Variants in STOML3 observed in about 807,000 individuals in gnomAD.
STOML3 encodes the protein stomatin-like protein 3.
A neutral mutation model predicts 29.5 loss-of-function variants in STOML3; 31 were observed. The ratio of observed to expected loss-of-function variants is 1.05; its 90% confidence interval spans 0.79 to 1.42. The LOEUF (loss-of-function observed/expected upper bound fraction) is 1.42, where lower values mean the gene tolerates loss of function less well. Among genes scored for constraint, STOML3 ranks in the 40% most tolerant of loss-of-function variants. The pLI is 0.00. For synonymous variants in STOML3, 122 were observed against 139.8 expected, an observed-to-expected ratio of 0.87 and a Z score of 0.90; for missense variants, 380 against 363.0, an observed-to-expected ratio of 1.05 and a Z score of -0.38.
chr13:38,973,049 A>T (rs1318772311), intron 3 of STOML3, among the ~76,000 whole-genome samples: 1 of 138,672 alleles, frequency 7.2e-6, no homozygotes, highest in African/African-American at 2.7e-5. Context: ...ACCTGAGGTC[A>T]GGAGTTCAAG....
intron 1 of STOML3, 98 bp from the exon 2 acceptor site, chr13:38,976,895 C>T (rs1881101250): frequency 1.0e-6 from 1 of 969,516 alleles, no homozygotes; most frequent in Non-Finnish European, 1.6e-6. Context: ...GCTGGCCAAG[C>T]CTGATGTGGC....
intron 1 of STOML3, among the ~76,000 whole-genome samples, chr13:38,985,509 A>G (rs1289451917): frequency 6.6e-6 from 1 of 152,120 alleles, no homozygotes; most frequent in Non-Finnish European, 1.5e-5. Context: ...CTTTCTCCCC[A>G]TTCTCCCATG....
rs1251326692 is a variant in STOML3, at chr13:38,988,371, A to G, written c.52+2299T>C. 3.2e-4 allele frequency among the ~76,000 whole-genome samples: 32 copies of G among 98,850 alleles called. 7 individuals carry two copies. The highest frequency in any genetic ancestry group is 1.5e-3 in the African/African-American group (31 of 20,248). The allele number at this position is 98,850 out of a possible 152,430, so 64.8% of individuals were successfully genotyped here. ...TTTTATATCATATATTTTATATAAT[A>G]TATTATATTTTATATCATATATTTT... On this transcript the variant is annotated intron_variant, in intron 1 of 6. Coordinates refer to ENST00000379631, the MANE Select transcript of STOML3 (RefSeq NM_145286.3).
intron 3 of STOML3, among the ~76,000 whole-genome samples, chr13:38,973,985 T>C (rs956101547): frequency 7.2e-5 from 11 of 152,148 alleles, no homozygotes; most frequent in African/African-American, 2.7e-4. Flanking sequence ...CCAGAGTTAA[T>C]AGTTTATCCA....
Position 38,988,316 on chromosome 13 carries a change from T to TGTATG in STOML3, c.52+2353_52+2354insCATAC, listed in dbSNP as rs1566211666. Among the ~76,000 whole-genome samples, 16 of 83,268 alleles carry TGTATG rather than the reference T, an allele frequency of 1.9e-4. 2 individuals carry two copies. The highest frequency in any genetic ancestry group is 9.4e-4 in the African/African-American group (16 of 16,978). 54.6% of individuals were successfully genotyped at this position (83,268 alleles called of 152,430 possible). ...TTTATATCATATATTTTATATATAA[T>TGTATG]ATATTATATTTTATATATAATATAT... On this transcript the variant is annotated intron_variant, in intron 1 of 6. Coordinates refer to ENST00000379631, the MANE Select transcript of STOML3 (RefSeq NM_145286.3).
intron 3 of STOML3, 97 bp from the exon 4 acceptor site, chr13:38,972,691 A>G (rs186067616): frequency 3.3e-4 from 344 of 1,047,984 alleles, no homozygotes; most frequent in Non-Finnish European, 5.0e-5. Context: ...GGGGCGATAC[A>G]TGTTTCTCAG....
At chr13:38,973,765 C>G (rs1880976161) in intron 3 of STOML3, among the ~76,000 whole-genome samples, 1 of 152,136 alleles carries the variant, frequency 6.6e-6, no homozygotes, top group South Asian at 2.1e-4. Flanking sequence ...ATCTGGTATT[C>G]TGTATTTGCT....
chr13:38,968,705 T>C (rs1409797774), intron 5 of STOML3, among the ~76,000 whole-genome samples, 171 bp from the exon 6 acceptor site: 1 of 152,228 alleles, frequency 6.6e-6, no homozygotes, highest in Non-Finnish European at 1.5e-5. Flanking sequence ...ATATTCTTAT[T>C]GATCATTTTT....
rs983917559 is a variant in STOML3 at position 38,976,621 on chromosome 13, T to C, written c.157-9A>G. The C allele has an allele frequency of 1.9e-6, 3 of 1,614,114 alleles. No homozygotes were observed. The Admixed American group carries it at 5.0e-5, about 27-fold the overall frequency. ...TCATACTCCTTAATGATCTAGGAGATTAAGGGCGAACGTTTAGTCCTAATG... is the reference window on the plus strand; with the variant it reads ...TCATACTCCTTAATGATCTAGGAGACTAAGGGCGAACGTTTAGTCCTAATG... On this transcript the variant is annotated splice_polypyrimidine_tract_variant and intron_variant, in intron 2 of 6. Coordinates refer to ENST00000379631, the MANE Select transcript of STOML3 (RefSeq NM_145286.3).
At chr13:38,974,692 C>CTT (rs903268549) in intron 3 of STOML3, among the ~76,000 whole-genome samples, 3 of 152,042 alleles carry the variant, frequency 2.0e-5, no homozygotes, top group African/African-American at 7.3e-5. Flanking sequence ...CCCTCTTGTC[C>CTT]TTATGACATG....
intron 3 of STOML3, among the ~76,000 whole-genome samples, chr13:38,973,096 TAAAAAAAAAAAAAAAAAAAA>T (rs71074495): frequency 3.1e-5 from 1 of 32,554 alleles, no homozygotes; most frequent in Non-Finnish European, 5.2e-5. Flanking sequence ...CCGTCTCTAC[TAAAAAAAAAAAAAAAAAAAA>T]AAAAAAAAAA....
At chr13:38,984,280 C>T (rs1415161543) in intron 1 of STOML3, among the ~76,000 whole-genome samples, 1 of 152,174 alleles carries the variant, frequency 6.6e-6, no homozygotes, top group Admixed American at 6.5e-5. Context: ...CACATCTTGT[C>T]CCTTTGCACA....
Position 38,966,999 on chromosome 13 carries a change from G to A in STOML3, c.702C>T (p.Ala234=), listed in dbSNP as rs1043113622. ...EMNASKSLKS[A]SMVLAESPIA... ...TGGGAGACTCAGCCAGCACCATGGA[G>A]GCTGACTTCAGGGATTTGGAAGCAT... The change falls in exon 7 of 7, where the codon GCC becomes GCT. Residue 234 remains alanine (A), a synonymous_variant. Coordinates refer to ENST00000379631, the MANE Select transcript of STOML3 (RefSeq NM_145286.3). 3 of 1,614,010 alleles carry A rather than the reference G, an allele frequency of 1.9e-6. No individual in the cohort carries two copies. Among genetic ancestry groups the A allele is most frequent in the South Asian group, 1.1e-5 (1 of 91,072 alleles).
At chr13:38,987,910 ATAT>A (rs1193104185) in intron 1 of STOML3, among the ~76,000 whole-genome samples, 1 of 70,880 alleles carries the variant, frequency 1.4e-5, no homozygotes, top group Non-Finnish European at 2.2e-5. Flanking sequence ...TATATATAAT[ATAT>A]TATATTTTAT....
chr13:38,982,684 CT>C (rs1881309257), intron 1 of STOML3, among the ~76,000 whole-genome samples: 1 of 152,166 alleles, frequency 6.6e-6, no homozygotes, highest in African/African-American at 2.4e-5. Flanking sequence ...TCACAAAAAC[CT>C]GCCTTCGCTT....
At position 38,969,121 on chromosome 13, in the gene STOML3, G is replaced by A. The variant is rs151046684; in HGVS notation, c.517-587C>T. 3.5e-4 allele frequency among the ~76,000 whole-genome samples: 53 copies of A among 152,226 alleles called. No individual in the cohort carries two copies. In the East Asian group the frequency reaches 7.7e-3, roughly 22 times the overall value. ...TCCTTTTTGAGATATTATTTATCTC[G>A]CTCTGTTTAACTTCTGCTCTATGGC... On this transcript the variant is annotated intron_variant, in intron 5 of 6. Transcript: ENST00000379631.
chr13:38,975,326 AAAAAAAAGAAAAAC>A (rs1881032783), intron 3 of STOML3, among the ~76,000 whole-genome samples: 1 of 150,180 alleles, frequency 6.7e-6, no homozygotes, highest in African/African-American at 2.5e-5. Flanking sequence ...GTCTCAGAAA[AAAAAAAAGAAAAAC>A]AAAAAAAAGA....
intron 6 of STOML3, 53 bp from the exon 7 acceptor site, chr13:38,967,102 G>T: frequency 6.6e-7 from 1 of 1,522,700 alleles, no homozygotes; most frequent in Non-Finnish European, 8.9e-7. Flanking sequence ...ACTATAACTA[G>T]TTCTTTCTTT....
At chr13:38,975,654 T>TGG (rs1348753734) in intron 3 of STOML3, among the ~76,000 whole-genome samples, 7 of 152,194 alleles carry the variant, frequency 4.6e-5, no homozygotes, top group Non-Finnish European at 5.9e-5. Context: ...ATTAATCCCA[T>TGG]GAAATTGCCA....
Sources: gnomAD v4.1 joint callset for allele counts (sites outside exome capture counted in the v4.1 genomes callset) on GRCh38, gnomAD v4.1.1 for gene constraint, MANE v1.5 for transcripts, NCBI Gene and HGNC (gene_info 2026-07-23, HGNC 2026-07-21) for gene names.